The following TUT1 variants were observed in gnomAD, a reference collection of about 807,000 sequenced individuals.
TUT1 encodes speckle targeted PIP5K1A-regulated poly(A) polymerase.
In TUT1, 26 loss-of-function variants were observed where a neutral mutation model predicts 48.8. That is an observed-to-expected ratio of 0.53 (90% CI 0.39 to 0.74). The LOEUF (loss-of-function observed/expected upper bound fraction) is 0.74. TUT1 is among the 30% of genes least tolerant of loss of function. The pLI, the probability that TUT1 is intolerant of heterozygous loss-of-function variation, is 0.00. For missense variants in TUT1, 1,065 were observed against 1,114.8 expected, an observed-to-expected ratio of 0.96 and a Z score of 0.64; for synonymous variants, 470 against 460.8, an observed-to-expected ratio of 1.02 and a Z score of -0.26.
At chr11:62,576,627 C>T in intron 8 of TUT1, 30 bp downstream of exon 8, 2 of 1,576,452 alleles carry the variant, frequency 1.3e-6, no homozygotes, top group Non-Finnish European at 1.7e-6. Context: ...AACATCATTA[C>T]TAGTCCTCTA....
chr11:62,582,864 C>T (rs1310290675), intron 2 of TUT1, among the ~76,000 whole-genome samples: 1 of 152,114 alleles, frequency 6.6e-6, no homozygotes, highest in African/African-American at 2.4e-5. Context: ...TGCAGTGGCT[C>T]ACGCCTGTAA....
intron 7 of TUT1, 48 bp downstream of exon 7, chr11:62,576,857 AAG>A (rs1941737461): frequency 1.2e-6 from 2 of 1,600,204 alleles, no homozygotes; most frequent in African/African-American, 1.3e-5. Flanking sequence ...TGTGATGAAG[AAG>A]AGAGAGGAAA....
intron 2 of TUT1, among the ~76,000 whole-genome samples, chr11:62,583,396 G>A (rs1249206753): frequency 6.6e-6 from 1 of 152,054 alleles, no homozygotes; most frequent in Non-Finnish European, 1.5e-5. Flanking sequence ...GATCACTTGA[G>A]GTCAGGAGTT....
Position 62,575,268 on chromosome 11 carries a change from C to CA in TUT1, c.2450dup (p.Ser818GlufsTer10). ...TTTCTGGCCTCTCTTCGCCACCACT[C>CA]AGTCCTTTCAGCTCCTGGGTGACCT... is the stretch of plus-strand genomic sequence containing the variant. On this transcript the variant is annotated frameshift_variant, in exon 9 of 9. Coordinates refer to ENST00000476907, the MANE Select transcript of TUT1 (RefSeq NM_022830.3). LOFTEE classifies it high-confidence loss of function. 6 of 1,614,214 alleles carry CA rather than the reference C, an allele frequency of 3.7e-6. No individual in the cohort carries two copies. Among genetic ancestry groups the CA allele is most frequent in the Non-Finnish European group, 5.1e-6 (6 of 1,180,030 alleles).
At chr11:62,581,330 G>C in intron 3 of TUT1, 56 bp downstream of exon 3, 1 of 1,566,980 alleles carries the variant, frequency 6.4e-7, no homozygotes, top group African/African-American at 1.4e-5. Context: ...TGGGGATACA[G>C]ACACAGGAGA....
Position 62,575,108 on chromosome 11 carries a change from G to A in TUT1, c.2611C>T (p.Arg871Ter). The A allele has an allele frequency of 6.4e-7, 1 of 1,564,644 alleles. No homozygotes were observed. Among genetic ancestry groups the A allele is most frequent in the South Asian group, 1.2e-5 (1 of 84,000 alleles). ...GGGCCATGTCTTCACTTGAGATGTC[G>A]AATTGCTTGAGGGAGGAAAACCTGT... ...FLQVFLPQAI[R>*]HLK Residue 871 changes from arginine to a stop codon, truncating the protein, a stop_gained, in exon 9 of 9, where the codon CGA becomes TGA. Transcript: ENST00000476907. LOFTEE classifies it high-confidence loss of function.
intron 8 of TUT1, 189 bp downstream of exon 8, chr11:62,576,468 G>A: frequency 6.4e-6 from 5 of 785,396 alleles, no homozygotes; most frequent in East Asian, 5.4e-5. Context: ...TTGCTAGCCA[G>A]TGTAACCTTG....
intron 2 of TUT1, chr11:62,582,436 G>C: frequency 7.3e-6 from 2 of 272,560 alleles, no homozygotes; most frequent in South Asian, 2.9e-5. Flanking sequence ...AAAAAGAAAA[G>C]AAAAAGAAAA....
chr11:62,589,415 TA>T (rs1222197527), intron 1 of TUT1, among the ~76,000 whole-genome samples, 194 bp from the exon 2 acceptor site: 1 of 152,140 alleles, frequency 6.6e-6, no homozygotes, highest in African/African-American at 2.4e-5. Context: ...TTTTTTAATT[TA>T]TTTTTTTTAA....
Position 62,578,626 on chromosome 11 carries a change from C to T in TUT1, c.1095G>A (p.Arg365=). 4 of 1,614,084 alleles carry T rather than the reference C, an allele frequency of 2.5e-6. No individual in the cohort carries two copies. Among genetic ancestry groups the T allele is most frequent in the Non-Finnish European group, 3.4e-6 (4 of 1,179,974 alleles). ...VYRVQTVPSA[R]RPVVKFCHRP... is the part of the protein sequence containing the mutation. ...GATGACAGAACTTGACCACAGGGCG[C>T]CGGGCAGAGGGCACAGTTTGGACTC... Residue 365 remains arginine (R), a synonymous_variant, in exon 5 of 9, where the codon CGG becomes CGA. Transcript: ENST00000476907.
At chr11:62,590,797 G>A (rs1941998011) in intron 1 of TUT1, among the ~76,000 whole-genome samples, 1 of 143,368 alleles carries the variant, frequency 7.0e-6, no homozygotes, top group Admixed American at 6.9e-5. Flanking sequence ...GGGTGACAGA[G>A]CAAGACCTTG....
At chr11:62,578,487 G>A in intron 5 of TUT1, 74 bp downstream of exon 5, 1 of 1,394,426 alleles carries the variant, frequency 7.2e-7, no homozygotes, top group Non-Finnish European at 9.7e-7. Context: ...AGAGGTTGCA[G>A]AGAGCCAAGA....
rs769854710 is a variant in TUT1 at position 62,575,120 on chromosome 11, G to T, written c.2599C>A (p.Pro867Thr). 6.4e-7 allele frequency: 1 copy of T among 1,573,632 alleles called. No individual in the cohort carries two copies. The highest frequency in any genetic ancestry group is 1.4e-5 in the African/African-American group (1 of 73,724). ...DLHHFLQVFLPQAIRHLK is the reference protein window; with the variant it reads ...DLHHFLQVFLTQAIRHLK Reference sequence around the variant, plus strand: ...CACTTGAGATGTCGAATTGCTTGAGGGAGGAAAACCTGTAAGAAATGATGG... The same window carrying T: ...CACTTGAGATGTCGAATTGCTTGAGTGAGGAAAACCTGTAAGAAATGATGG... The change falls in exon 9 of 9, where the codon CCT becomes ACT. Residue 867 changes from proline to threonine, a missense_variant. By Grantham distance (38) the Pro-to-Thr change is conservative. Coordinates refer to ENST00000476907, the MANE Select transcript of TUT1 (RefSeq NM_022830.3).
In TUT1 at chr11:62,591,502, C is replaced by A; in HGVS notation, c.-17G>T. 1 of 1,614,022 alleles carries A rather than the reference C, an allele frequency of 6.2e-7. No individual in the cohort carries two copies. Among genetic ancestry groups the A allele is most frequent in the Non-Finnish European group, 8.5e-7 (1 of 1,179,954 alleles). Reference sequence around the variant, plus strand: ...CGCCGCCATAGCGACTCTCCTGTACCGACAAAAACACAAGCACCTCTGCCA... The same window carrying A: ...CGCCGCCATAGCGACTCTCCTGTACAGACAAAAACACAAGCACCTCTGCCA... On this transcript the variant is annotated 5_prime_UTR_variant, in exon 1 of 9. Coordinates refer to ENST00000476907, the MANE Select transcript of TUT1 (RefSeq NM_022830.3).
In TUT1 at chr11:62,581,153, A is replaced by G; in HGVS notation, c.643T>C (p.Cys215Arg). The stretch of plus-strand genomic sequence containing the variant: ...AGATCCAAGAAGAGGTCAAGATCAC[A>G]GCCATGGACATCGAAGCTATTTATG... The part of the protein sequence containing the change: ...SSINSFDVHG[C>R]DLDLFLDLGD... Residue 215 changes from cysteine (C) to arginine (R), a missense_variant, in exon 4 of 9, where the codon TGT (cysteine) becomes CGT (arginine). Transcript: ENST00000476907. The G allele has an allele frequency of 6.2e-7, 1 of 1,614,202 alleles. No homozygotes were observed. Among genetic ancestry groups the G allele is most frequent in the South Asian group, 1.1e-5 (1 of 91,088 alleles).
rs900998160 is a variant in TUT1 at position 62,575,247 on chromosome 11, T to A, written c.2472A>T (p.Pro824=). ...CAAAGCTCAGCAGGGGCTCAGTTTC[T>A]GGCCTCTCTTCGCCACCACTCAGTC... The part of the protein sequence containing the change: ...LKGLSGGEER[P]ETEPLLSFVA... Residue 824 remains proline, a synonymous_variant, in exon 9 of 9, where the codon CCA becomes CCT. Transcript: ENST00000476907. 6 of 1,614,066 alleles carry A rather than the reference T, an allele frequency of 3.7e-6. No homozygotes were observed. In the African/African-American group the frequency reaches 8.0e-5, roughly 22 times the overall value.
intron 7 of TUT1, 24 bp downstream of exon 7, chr11:62,576,883 G>A: frequency 3.1e-6 from 5 of 1,608,728 alleles, no homozygotes; most frequent in Non-Finnish European, 4.3e-6. Context: ...ACAAGATGGA[G>A]AGGGTGGAGG....
Position 62,578,591 on chromosome 11 carries a change from C to T in TUT1, c.1130G>A (p.Gly377Asp), listed in dbSNP as rs1269679081. The change falls in exon 5 of 9, where the codon GGT (glycine) becomes GAT (aspartate). Residue 377 changes from glycine (G) to aspartate (D), a missense_variant. Physicochemically the swap from Gly to Asp is moderately conservative, Grantham distance 94. Transcript: ENST00000476907. Reference protein sequence around the residue: ...PVVKFCHRPSGLHGDVSLSNR... With the variant: ...PVVKFCHRPSDLHGDVSLSNR... The stretch of plus-strand genomic sequence containing the variant: ...ACTGAGGGAGACATCACCGTGGAGA[C>T]CTGAAGGCCGATGACAGAACTTGAC... 1 of 1,611,874 alleles carries T rather than the reference C, an allele frequency of 6.2e-7. No individual in the cohort carries two copies. The highest frequency in any genetic ancestry group is 1.1e-5 in the South Asian group (1 of 90,814).
intron 2 of TUT1, among the ~76,000 whole-genome samples, chr11:62,587,092 C>CAAAAAAAAAA (rs202002182): frequency 9.2e-6 from 1 of 108,324 alleles, no homozygotes; most frequent in Non-Finnish European, 1.8e-5. Context: ...AACTCCCTCT[C>CAAAAAAAAAA]AAAAAAAAAA....
Sources: gnomAD v4.1 joint callset for allele counts (sites outside exome capture counted in the v4.1 genomes callset) on GRCh38, gnomAD v4.1.1 for gene constraint, MANE v1.5 for transcripts, NCBI Gene and HGNC (gene_info 2026-07-23, HGNC 2026-07-21) for gene names.